Variants in TOX3 observed in about 807,000 individuals in gnomAD.
The protein encoded by TOX3 is CAG trinucleotide repeat-containing gene F9 protein.
TOX3 carries 22 observed loss-of-function variants against 64.3 expected under a neutral mutation model. The observed-to-expected ratio is 0.34, with a 90% CI of 0.24 to 0.49. The LOEUF (loss-of-function observed/expected upper bound fraction) is 0.49, where lower values mean the gene tolerates loss of function less well. Among genes scored for constraint, TOX3 ranks in the 20% least tolerant of loss-of-function variants. The pLI, the probability that TOX3 is intolerant of heterozygous loss-of-function variation, is 0.99. For synonymous variants in TOX3, 291 were observed against 273.6 expected (o/e 1.06, Z -0.63); for missense variants, 661 against 714.4 (o/e 0.93, Z 0.85).
chr16:52,513,706 A>G (rs1962371960), intron 1 of TOX3, among the ~76,000 whole-genome samples: 2 of 152,226 alleles, frequency 1.3e-5, no homozygotes. Flanking sequence ...GGCCAATCTA[A>G]AACTGAAAAG....
chr16:52,537,761 C>G (rs1050962009), intron 1 of TOX3, among the ~76,000 whole-genome samples: 8 of 151,844 alleles, frequency 5.3e-5, no homozygotes, highest in Admixed American at 5.3e-4. Flanking sequence ...TCCAGAAAAG[C>G]TGCTGAAACA....
At position 52,438,219 on chromosome 16, in the gene TOX3, T is replaced by C. The variant is rs927570234; in HGVS notation, c.*1006A>G. On this transcript the variant is annotated 3_prime_UTR_variant, in exon 7 of 7. Transcript: ENST00000219746. ...AAAAACACAATAAGCAACGTAGCAA[T>C]GAATGGTTTATGTCACCAGTGTTTA... 2.0e-5 allele frequency: 3 copies of C among 152,622 alleles called. No homozygotes were observed. The highest frequency in any genetic ancestry group is 7.2e-5 in the African/African-American group (3 of 41,454). 9.5% of individuals were successfully genotyped at this position (152,622 alleles called of 1,614,324 possible). A position where few individuals can be genotyped will look rare whatever the true frequency, so the allele number is the denominator to read the frequency against.
chr16:52,457,024 G>A (rs971261198), intron 3 of TOX3, among the ~76,000 whole-genome samples: 1 of 152,188 alleles, frequency 6.6e-6, no homozygotes, highest in Non-Finnish European at 1.5e-5. Flanking sequence ...TACTTCATAT[G>A]AAGATATGTC....
At chr16:52,484,885 A>G (rs78234551) in intron 1 of TOX3, among the ~76,000 whole-genome samples, 9,099 of 152,122 alleles carry the variant, frequency 0.06, 852 homozygotes, top group African/African-American at 0.2. Context: ...GCAATCCCAG[A>G]ACTGGGTATC....
intron 1 of TOX3, among the ~76,000 whole-genome samples, chr16:52,484,298 C>A (rs1961449553): frequency 6.6e-6 from 1 of 152,024 alleles, no homozygotes; most frequent in African/African-American, 2.4e-5. Flanking sequence ...GTTTGAATGA[C>A]AAAGGAAAAT....
chr16:52,521,448 G>GA (rs397854697), intron 1 of TOX3, among the ~76,000 whole-genome samples: 120 of 145,980 alleles, frequency 8.2e-4, no homozygotes, highest in South Asian at 8.0e-3. Flanking sequence ...TATTCAGCTG[G>GA]AAAAAAAAAA....
At chr16:52,523,152 G>C (rs1378599284) in intron 1 of TOX3, among the ~76,000 whole-genome samples, 1 of 152,184 alleles carries the variant, frequency 6.6e-6, no homozygotes, top group Non-Finnish European at 1.5e-5. Flanking sequence ...CCTGAGAAAA[G>C]GGACATCTGA....
At chr16:52,443,402 G>A (rs1452625163) in intron 6 of TOX3, among the ~76,000 whole-genome samples, 1 of 152,118 alleles carries the variant, frequency 6.6e-6, no homozygotes, top group Admixed American at 6.5e-5. Context: ...AGCTGCAAAT[G>A]GTAGATCTTG....
chr16:52,545,676 A>G lies in TOX3; in HGVS notation c.87+961T>C, dbSNP rs538022066. Among the ~76,000 whole-genome samples the G allele has an allele frequency of 9.2e-5, 14 of 152,332 alleles. No individual in the cohort carries two copies. In the South Asian group the frequency reaches 2.9e-3, roughly 32 times the overall value. On this transcript the variant is annotated intron_variant, in intron 1 of 6. Transcript: ENST00000219746. ...AAACCACATTCAAAAGGCACAGGCC[A>G]TTCAGAGCCCGGCTGTTTCTCTGAA...
At chr16:52,440,819 G>A (rs1198265644) in intron 6 of TOX3, among the ~76,000 whole-genome samples, 9 of 140,930 alleles carry the variant, frequency 6.4e-5, no homozygotes, top group Admixed American at 2.2e-4. Flanking sequence ...GGAGTGCAGC[G>A]GCGCGATCTC....
intron 1 of TOX3, among the ~76,000 whole-genome samples, chr16:52,479,403 C>T (rs573651177): frequency 1.5e-4 from 23 of 152,164 alleles, no homozygotes; most frequent in Middle Eastern, 3.4e-3. Flanking sequence ...AGGAGACTTG[C>T]GAATGTTTGC....
chr16:52,483,417 G>A (rs376406722), intron 1 of TOX3, among the ~76,000 whole-genome samples: 5 of 152,202 alleles, frequency 3.3e-5, no homozygotes, highest in East Asian at 1.9e-4. Context: ...AAAACACCAC[G>A]GGCGTAACTC....
rs534754811 is a variant in TOX3 at position 52,498,286 on chromosome 16, T to C, written c.88-29712A>G. Among the ~76,000 whole-genome samples the C allele has an allele frequency of 3.3e-5, 5 of 152,308 alleles. No individual in the cohort carries two copies. In the South Asian group the frequency reaches 6.2e-4, roughly 19 times the overall value. ...TGAATAGGAAGGGAACTGTTTTATG[T>C]TTCTCTCCACCGCTTTTCTATTATT... On this transcript the variant is annotated intron_variant, in intron 1 of 6. Coordinates refer to ENST00000219746, the MANE Select transcript of TOX3 (RefSeq NM_001080430.4).
At chr16:52,453,725 T>C (rs967340967) in intron 3 of TOX3, among the ~76,000 whole-genome samples, 1 of 152,194 alleles carries the variant, frequency 6.6e-6, no homozygotes, top group African/African-American at 2.4e-5. Flanking sequence ...AGGTGCTCGA[T>C]TGACTCACCC....
intron 1 of TOX3, among the ~76,000 whole-genome samples, chr16:52,513,787 T>C (rs1297426640): frequency 6.6e-6 from 1 of 152,200 alleles, no homozygotes; most frequent in African/African-American, 2.4e-5. Flanking sequence ...TAAAAATACC[T>C]AGTGATTGTG....
chr16:52,473,983 TA>T (rs941410664), intron 1 of TOX3, among the ~76,000 whole-genome samples: 1 of 152,082 alleles, frequency 6.6e-6, no homozygotes, highest in African/African-American at 2.4e-5. Context: ...GTCCACATGC[TA>T]AAACTCCTAG....
At chr16:52,506,386 C>G (rs1204869471) in intron 1 of TOX3, among the ~76,000 whole-genome samples, 1 of 152,162 alleles carries the variant, frequency 6.6e-6, no homozygotes, top group Non-Finnish European at 1.5e-5. Flanking sequence ...AACCATCTCT[C>G]AAAGGTGAGA....
intron 1 of TOX3, among the ~76,000 whole-genome samples, chr16:52,489,642 C>T (rs569511583): frequency 1.3e-5 from 2 of 152,296 alleles, no homozygotes; most frequent in South Asian, 4.1e-4. Context: ...CACGAACACT[C>T]TCCAGTTTGA....
chr16:52,454,906 C>T (rs1052827660), intron 3 of TOX3, among the ~76,000 whole-genome samples: 3 of 152,116 alleles, frequency 2.0e-5, no homozygotes, highest in African/African-American at 7.2e-5. Context: ...CACAATTTTT[C>T]CCAGTAGTAA....
Sources: gnomAD v4.1 joint callset for allele counts (sites outside exome capture counted in the v4.1 genomes callset) on GRCh38, gnomAD v4.1.1 for gene constraint, MANE v1.5 for transcripts, NCBI Gene and HGNC (gene_info 2026-07-23, HGNC 2026-07-21) for gene names.